The following RABL6 variants were observed in gnomAD, a reference collection of about 807,000 sequenced individuals.
RABL6 encodes RAB, member RAS oncogene family like 6.
Under a neutral mutation model 72.9 loss-of-function variants are expected in RABL6, and 28 were observed. That is an observed-to-expected ratio of 0.38 (90% CI 0.28 to 0.53). The LOEUF (loss-of-function observed/expected upper bound fraction) is 0.53. RABL6 is among the 20% of genes least tolerant of loss of function. The probability of loss-of-function intolerance (pLI) is 0.80; values close to 1 mark genes in which losing one functional copy is unlikely to be tolerated. For missense variants in RABL6, 1,029 were observed against 1,008.4 expected, an observed-to-expected ratio of 1.02 and a Z score of -0.28; for synonymous variants, 477 against 421.2, an observed-to-expected ratio of 1.13 and a Z score of -1.62.
At chr9:136,808,352 CG>C in intron 1 of RABL6, 26 bp downstream of exon 1, 1 of 1,480,032 alleles carries the variant, frequency 6.8e-7, no homozygotes, top group Non-Finnish European at 9.0e-7. Context: ...CGGGGGGGCG[CG>C]GGAGCGCCGC....
chr9:136,839,384 G>C lies in RABL6; in HGVS notation c.1656G>C (p.Ser552=). The C allele has an allele frequency of 6.2e-6, 10 of 1,612,574 alleles. No homozygotes were observed. Among genetic ancestry groups the C allele is most frequent in the Non-Finnish European group, 7.6e-6 (9 of 1,179,734 alleles). ...MEPGKGEQAS[S]SESDPEGPIA... ...CGGGGAAGGGTGAGCAGGCCTCCTC[G>C]TCGGAGAGTGACCCCGAGGGACCCA... Residue 552 remains serine, a synonymous_variant, in exon 12 of 15, where the codon TCG becomes TCC. Transcript: ENST00000311502.
At chr9:136,836,268 T>C (rs2811743) in intron 8 of RABL6, 144,005 of 170,390 alleles carry the variant, frequency 0.85, 61,116 homozygotes, top group African/African-American at 0.94. Flanking sequence ...TGGTCCTCGA[T>C]AGCAGAGGGC....
chr9:136,825,877 C>T (rs887075858), intron 3 of RABL6, 51 bp downstream of exon 3: 26 of 1,564,638 alleles, frequency 1.7e-5, no homozygotes, highest in Middle Eastern at 1.7e-4. Context: ...GTGTGCTCTG[C>T]GCAGAGAGGC....
chr9:136,808,367 G>C, intron 1 of RABL6, 41 bp downstream of exon 1: 1 of 1,452,058 alleles, frequency 6.9e-7, no homozygotes, highest in Non-Finnish European at 9.1e-7. Context: ...GCGCCGCGCG[G>C]GTCTCCGAAC....
At chr9:136,831,899 G>A (rs758198701) in intron 6 of RABL6, 38 bp downstream of exon 6, 56 of 1,576,996 alleles carry the variant, frequency 3.6e-5, no homozygotes, top group Admixed American at 1.7e-4. Flanking sequence ...GACCCTGCCC[G>A]GTGCTCCGGT....
At position 136,808,063 on chromosome 9, in the gene RABL6, A is replaced by T; in HGVS notation, c.-134A>T. ...CTCGGGGCTGCGCTCCGCCGCCGGGACCCCGGCCTCTGGCCGCGCCGGCTC... is the reference window on the plus strand; with the variant it reads ...CTCGGGGCTGCGCTCCGCCGCCGGGTCCCCGGCCTCTGGCCGCGCCGGCTC... On this transcript the variant is annotated 5_prime_UTR_variant, in exon 1 of 15. Transcript: ENST00000311502. The T allele has an allele frequency of 8.9e-7, 1 of 1,127,056 alleles. No individual in the cohort carries two copies. Among genetic ancestry groups the T allele is most frequent in the Middle Eastern group, 3.9e-4 (1 of 2,570 alleles). 69.8% of individuals were successfully genotyped at this position (1,127,056 alleles called of 1,614,324 possible).
intron 1 of RABL6, chr9:136,821,685 C>T (rs1042647943): frequency 2.7e-4 from 267 of 999,640 alleles, no homozygotes; most frequent in Non-Finnish European, 3.1e-4. Context: ...GCCTGGCTCC[C>T]TCCTGGCTGC....
rs1227763270 is a variant in RABL6 at position 136,808,189 on chromosome 9, G to A, written c.-8G>A. The A allele has an allele frequency of 3.3e-6, 5 of 1,517,958 alleles. No homozygotes were observed. Among genetic ancestry groups the A allele is most frequent in the Non-Finnish European group, 4.4e-6 (5 of 1,133,656 alleles). 94.0% of individuals were successfully genotyped at this position (1,517,958 alleles called of 1,614,324 possible). A position where few individuals can be genotyped will look rare whatever the true frequency, so the allele number is the denominator to read the frequency against. On this transcript the variant is annotated 5_prime_UTR_variant, in exon 1 of 15. Coordinates refer to ENST00000311502, the MANE Select transcript of RABL6 (RefSeq NM_024718.5). ...GCCGCGCCCGGGCTGGGACGTCCGAGCGGGAAGATGTTTTCCGCCCTGAAG... is the reference window on the plus strand; with the variant it reads ...GCCGCGCCCGGGCTGGGACGTCCGAACGGGAAGATGTTTTCCGCCCTGAAG...
chr9:136,817,033 C>T (rs1478471386), intron 1 of RABL6, among the ~76,000 whole-genome samples: 1 of 151,954 alleles, frequency 6.6e-6, no homozygotes, highest in Non-Finnish European at 1.5e-5. Context: ...ATTATTATGT[C>T]AATTATAAAT....
intron 6 of RABL6, 166 bp downstream of exon 6, chr9:136,832,027 C>A (rs908485419): frequency 8.8e-7 from 1 of 1,136,182 alleles, no homozygotes. Flanking sequence ...TCCCCGATGG[C>A]AGGGCCGGGA....
At chr9:136,825,548 C>T (rs975097370) in intron 2 of RABL6, among the ~76,000 whole-genome samples, 2 of 150,398 alleles carry the variant, frequency 1.3e-5, no homozygotes, top group Non-Finnish European at 3.0e-5. Context: ...ATTGGGGCTG[C>T]GGAGGGAGAT....
At chr9:136,831,636 C>T (rs190484477) in intron 5 of RABL6, 85 bp from the exon 6 acceptor site, 66 of 1,568,378 alleles carry the variant, frequency 4.2e-5, no homozygotes, top group Admixed American at 5.1e-5. Context: ...CCACCATCCT[C>T]GGGCCTGGGC....
At chr9:136,823,780 C>G (rs1848293233) in intron 2 of RABL6, 121 bp downstream of exon 2, 2 of 1,302,370 alleles carry the variant, frequency 1.5e-6, no homozygotes, top group African/African-American at 3.0e-5. Context: ...TGTGAGGGAC[C>G]CTGCTGACGT....
intron 6 of RABL6, 27 bp downstream of exon 6, chr9:136,831,888 G>A (rs369523477): frequency 5.0e-6 from 8 of 1,593,482 alleles, no homozygotes; most frequent in African/African-American, 1.3e-5. Flanking sequence ...TGCTCCCGAG[G>A]GACCCTGCCC....
chr9:136,819,918 C>G (rs1010310643), intron 1 of RABL6, among the ~76,000 whole-genome samples: 1 of 151,920 alleles, frequency 6.6e-6, no homozygotes, highest in African/African-American at 2.4e-5. Context: ...AGTAAAAAAA[C>G]TAGGCATGGG....
At chr9:136,822,172 G>C in intron 1 of RABL6, 1 of 1,099,494 alleles carries the variant, frequency 9.1e-7, no homozygotes, top group Non-Finnish European at 1.2e-6. Context: ...TTGGGAGCTT[G>C]GGGTCCCCCT....
chr9:136,814,736 GTGAGACCC>G (rs1035541500), intron 1 of RABL6: 2 of 151,758 alleles, frequency 1.3e-5, no homozygotes, highest in Non-Finnish European at 2.9e-5. Flanking sequence ...GGGCGAGAGA[GTGAGACCC>G]TGTCTTAAAA....
At chr9:136,838,365 G>A (rs189164309) in intron 10 of RABL6, among the ~76,000 whole-genome samples, 85 of 152,324 alleles carry the variant, frequency 5.6e-4, no homozygotes, top group African/African-American at 1.9e-3. Flanking sequence ...CAGGATCCAG[G>A]TGCTGCAGAG....
At position 136,833,843 on chromosome 9, in the gene RABL6, A is replaced by AAGT. The variant is rs1329488048; in HGVS notation, c.705+1473_705+1474insAGT. 1.9e-6 allele frequency: 3 copies of AAGT among 1,550,388 alleles called. No individual in the cohort carries two copies. In the African/African-American group the frequency reaches 4.1e-5, roughly 21 times the overall value. The stretch of plus-strand genomic sequence containing the variant: ...GGGTTGGAAGGAAGGCGGCAGTCAG[A>AAGT]CTTGTCCTGTGCCGGCACTGCTGGG... On this transcript the variant is annotated intron_variant, in intron 7 of 14. Transcript: ENST00000311502.
Sources: allele counts gnomAD v4.1 joint callset (sites outside exome capture counted in the v4.1 genomes callset), GRCh38; gene constraint gnomAD v4.1.1; transcripts MANE v1.5; gene names NCBI Gene and HGNC (gene_info 2026-07-23, HGNC 2026-07-21).